Variants in SPATA17 observed in about 807,000 individuals in gnomAD.
SPATA17 encodes the protein spermatogenesis-associated protein 17.
SPATA17 carries 53 observed loss-of-function variants against 62.2 expected under a neutral mutation model. The ratio of observed to expected loss-of-function variants is 0.85; its 90% CI spans 0.68 to 1.07. The LOEUF is 1.07. Among genes scored for constraint, SPATA17 ranks in the 50% least tolerant of loss-of-function variants. The pLI is 0.00. For missense variants in SPATA17, 466 were observed against 425.5 expected, an observed-to-expected ratio of 1.10 and a Z score of -0.84; for synonymous variants, 146 against 146.8, an observed-to-expected ratio of 0.99 and a Z score of 0.04.
chr1:217,718,831 G>A (rs1008426623), intron 5 of SPATA17, among the ~76,000 whole-genome samples: 10 of 152,104 alleles, frequency 6.6e-5, no homozygotes, highest in African/African-American at 2.4e-4. Flanking sequence ...ATGAATGCAA[G>A]TACTGGCTGC....
chr1:217,775,447 G>C (rs1232878969), intron 7 of SPATA17, among the ~76,000 whole-genome samples: 1 of 152,164 alleles, frequency 6.6e-6, no homozygotes, highest in African/African-American at 2.4e-5. Context: ...GTTCACGCCT[G>C]TAATTCCAGC....
chr1:217,859,978 A>G (rs1410946893), intron 9 of SPATA17, among the ~76,000 whole-genome samples: 1 of 152,074 alleles, frequency 6.6e-6, no homozygotes, highest in Non-Finnish European at 1.5e-5. Context: ...ATAGTTTTCT[A>G]AAGTGGAAGC....
rs1322277755 is a variant in SPATA17, at chr1:217,634,737, C to T, written c.68+3291C>T. 1.3e-5 allele frequency among the ~76,000 whole-genome samples: 2 copies of T among 152,188 alleles called. 1 individual carries two copies. The highest frequency in any genetic ancestry group is 4.1e-4 in the South Asian group (2 of 4,826). On this transcript the variant is annotated intron_variant, in intron 1 of 10. Transcript: ENST00000366933. Reference sequence around the variant, plus strand: ...TATCATCTTTGTTTTAAACTATAAACTAAGTTCCTGGCAAAGTTAGTTCAG... The same window carrying T: ...TATCATCTTTGTTTTAAACTATAAATTAAGTTCCTGGCAAAGTTAGTTCAG...
rs140552696 is a variant in SPATA17, at chr1:217,634,897, TTTGTTGTTG to T, written c.68+3481_68+3489del. 6.0e-3 allele frequency among the ~76,000 whole-genome samples: 907 copies of T among 150,054 alleles called. 8 individuals are homozygous for T. The highest frequency in any genetic ancestry group is 0.018 in the African/African-American group (753 of 40,762). On this transcript the variant is annotated intron_variant, in intron 1 of 10. Transcript: ENST00000366933. The stretch of plus-strand genomic sequence containing the variant: ...TGTCACTTGACAGAGTATTGGCCTT[TTTGTTGTTG>T]TTGTTGTTGTTGTTGTTGTTGTTGT...
At chr1:217,777,445 A>G (rs1673621074) in intron 7 of SPATA17, among the ~76,000 whole-genome samples, 1 of 152,076 alleles carries the variant, frequency 6.6e-6, no homozygotes, top group Non-Finnish European at 1.5e-5. Flanking sequence ...TGTGTTGCCC[A>G]TGCTGGAGTG....
chr1:217,707,163 C>T (rs1387726319), intron 5 of SPATA17, among the ~76,000 whole-genome samples: 1 of 152,154 alleles, frequency 6.6e-6, no homozygotes, highest in Non-Finnish European at 1.5e-5. Context: ...CCATGCCTGG[C>T]CCTGTATTTC....
intron 8 of SPATA17, among the ~76,000 whole-genome samples, chr1:217,799,646 G>T (rs1674255369): frequency 6.6e-6 from 1 of 151,754 alleles, no homozygotes; most frequent in African/African-American, 2.4e-5. Context: ...AAAATATTAA[G>T]AATTAATTTA....
intron 1 of SPATA17, among the ~76,000 whole-genome samples, chr1:217,643,421 T>C (rs1299374278): frequency 6.6e-6 from 1 of 152,108 alleles, no homozygotes; most frequent in Non-Finnish European, 1.5e-5. Flanking sequence ...GATTCTTTTT[T>C]CATCTTCCCT....
At chr1:217,652,964 C>T (rs547028765) in intron 3 of SPATA17, among the ~76,000 whole-genome samples, 5 of 152,236 alleles carry the variant, frequency 3.3e-5, no homozygotes, top group East Asian at 1.9e-4. Context: ...GTGATTGGCA[C>T]CTAGTCGGTG....
At chr1:217,796,801 T>C (rs528213460) in intron 8 of SPATA17, among the ~76,000 whole-genome samples, 1 of 152,348 alleles carries the variant, frequency 6.6e-6, no homozygotes, top group East Asian at 1.9e-4. Flanking sequence ...AGCTATATAT[T>C]AGGTTTACCT....
intron 6 of SPATA17, among the ~76,000 whole-genome samples, chr1:217,748,381 C>A (rs992376368): frequency 1.3e-5 from 2 of 150,762 alleles, no homozygotes; most frequent in African/African-American, 4.9e-5. Flanking sequence ...TTTTATAAGA[C>A]AAATCTTTTT....
intron 5 of SPATA17, among the ~76,000 whole-genome samples, chr1:217,700,763 T>TG (rs1206138644): frequency 9.6e-5 from 2 of 20,804 alleles, no homozygotes; most frequent in South Asian, 7.6e-4. Context: ...TTTCTTTTTC[T>TG]TTTTTTTTTT....
At chr1:217,863,882 C>T (rs1243858981) in intron 10 of SPATA17, among the ~76,000 whole-genome samples, 1 of 152,048 alleles carries the variant, frequency 6.6e-6, no homozygotes, top group Non-Finnish European at 1.5e-5. Flanking sequence ...TTAGAATCCC[C>T]CAGCTATCCT....
At chr1:217,638,750 A>G (rs1037853197) in intron 1 of SPATA17, among the ~76,000 whole-genome samples, 1 of 152,210 alleles carries the variant, frequency 6.6e-6, no homozygotes, top group Non-Finnish European at 1.5e-5. Context: ...ATAAAAATGT[A>G]ATGTGAACTT....
chr1:217,684,737 C>A (rs1375163170), intron 5 of SPATA17, among the ~76,000 whole-genome samples: 1 of 151,982 alleles, frequency 6.6e-6, no homozygotes, highest in Non-Finnish European at 1.5e-5. Context: ...TCTTTAAAGT[C>A]TTTGAACTAA....
At chr1:217,855,381 AC>A (rs1336183949) in intron 9 of SPATA17, among the ~76,000 whole-genome samples, 1 of 152,238 alleles carries the variant, frequency 6.6e-6, no homozygotes, top group African/African-American at 2.4e-5. Context: ...TCTAACTAAC[AC>A]ATTGTATCTA....
intron 5 of SPATA17, among the ~76,000 whole-genome samples, chr1:217,740,927 G>A (rs899347969): frequency 6.6e-5 from 10 of 152,128 alleles, no homozygotes; most frequent in Admixed American, 6.5e-5. Context: ...ATTTTTAAAC[G>A]TCAGTGTGTT....
intron 6 of SPATA17, among the ~76,000 whole-genome samples, chr1:217,756,485 C>A (rs918665212): frequency 6.6e-6 from 1 of 152,030 alleles, no homozygotes; most frequent in Non-Finnish European, 1.5e-5. Context: ...CCACGCTTCC[C>A]GTTTATGGAT....
Position 217,850,564 on chromosome 1 carries a change from C to T in SPATA17, c.1006-12210C>T, listed in dbSNP as rs879228947. Reference sequence around the variant, plus strand: ...TCCTGGATATTGGCCTTCACATTTTCGATGGTGTCACTGGGCTCCACTTCA... The same window carrying T: ...TCCTGGATATTGGCCTTCACATTTTTGATGGTGTCACTGGGCTCCACTTCA... On this transcript the variant is annotated intron_variant, in intron 9 of 10. Transcript: ENST00000366933. 2.7e-5 allele frequency: 43 copies of T among 1,594,986 alleles called. No homozygotes were observed. The East Asian group carries it at 5.8e-4, about 22-fold the overall frequency.
Sources: allele counts gnomAD v4.1 joint callset (sites outside exome capture counted in the v4.1 genomes callset), GRCh38; gene constraint gnomAD v4.1.1; transcripts MANE v1.5; gene names NCBI Gene and HGNC (gene_info 2026-07-23, HGNC 2026-07-21).